The following JAKMIP2 variants were observed in gnomAD, a reference collection of about 807,000 sequenced individuals.
JAKMIP2 encodes the protein janus kinase and microtubule interacting protein 2, also known as janus kinase and microtubule-interacting protein 2.
A neutral mutation model predicts 115.0 loss-of-function variants in JAKMIP2; 25 were observed. The observed-to-expected ratio is 0.22, with a 90% CI of 0.16 to 0.30. JAKMIP2 has a LOEUF of 0.30. Among genes scored for constraint, JAKMIP2 ranks in the 10% least tolerant of loss-of-function variants. The probability of loss-of-function intolerance (pLI) is 1.00; values close to 1 mark genes in which losing one functional copy is unlikely to be tolerated. For synonymous variants in JAKMIP2, 334 were observed against 343.6 expected (o/e 0.97, Z 0.31); for missense variants, 642 against 957.6 (o/e 0.67, Z 4.35).
intron 1 of JAKMIP2, among the ~76,000 whole-genome samples, chr5:147,721,821 T>C (rs1053623466): frequency 2.6e-5 from 4 of 152,152 alleles, no homozygotes; most frequent in African/African-American, 7.2e-5. Flanking sequence ...GCGTCGCTCA[T>C]GCTGGGAGCT....
chr5:147,623,224 C>CT (rs199676287), intron 17 of JAKMIP2, among the ~76,000 whole-genome samples: 1,558 of 138,704 alleles, frequency 0.011, 15 homozygotes, highest in Middle Eastern at 0.019. Context: ...TTGTTCTACT[C>CT]TTTTTTTTTT....
chr5:147,661,411 G>A lies in JAKMIP2; in HGVS notation c.164C>T (p.Ala55Val). ...SKLEREKTQE[A>V]KRIRELEQRK... ...CTGCTCCAGCTCACGAATCCTCTTC[G>A]CTTCTTGAGTCTTCTCTCTTTCAAG... The change falls in exon 3 of 22, where the codon GCG becomes GTG. Residue 55 changes from alanine to valine, a missense_variant. Physicochemically the swap from Ala to Val is moderately conservative, Grantham distance 64. This residue lies in a region of JAKMIP2 where 439 missense variants were observed against 570.9 expected (regional missense o/e 0.77). Coordinates refer to ENST00000616793, the MANE Select transcript of JAKMIP2 (RefSeq NM_001270941.2). 2 of 1,612,976 alleles carry A rather than the reference G, an allele frequency of 1.2e-6. No homozygotes were observed. The highest frequency in any genetic ancestry group is 8.5e-7 in the Non-Finnish European group (1 of 1,179,774).
At chr5:147,606,260 G>A (rs1192788158) in intron 20 of JAKMIP2, among the ~76,000 whole-genome samples, 2 of 152,134 alleles carry the variant, frequency 1.3e-5, no homozygotes, top group Admixed American at 1.3e-4. Flanking sequence ...CTTTGCCCAT[G>A]CTTATGTCCT....
chr5:147,728,051 C>T (rs1045529531), intron 1 of JAKMIP2, among the ~76,000 whole-genome samples: 1 of 152,116 alleles, frequency 6.6e-6, no homozygotes, highest in Non-Finnish European at 1.5e-5. Flanking sequence ...AGGCTCTGTT[C>T]TGTTTTGCTT....
In JAKMIP2 at chr5:147,753,845, A is replaced by G. The variant is rs1220253205; in HGVS notation, c.-149+28611T>C. Among the ~76,000 whole-genome samples, 7 of 141,028 alleles carry G rather than the reference A, an allele frequency of 5.0e-5. No individual in the cohort carries two copies. In the Admixed American group the frequency reaches 5.0e-4, roughly 10 times the overall value. The allele number at this position is 141,028 out of a possible 152,430, so 92.5% of individuals were successfully genotyped here. A position where few individuals can be genotyped will look rare whatever the true frequency, so the allele number is the denominator to read the frequency against. ...TTTTTTTTTGCTAAAGATGTTTCTTATAATAGCTAAAGGTTCCACTAGGCA... is the reference window on the plus strand; with the variant it reads ...TTTTTTTTTGCTAAAGATGTTTCTTGTAATAGCTAAAGGTTCCACTAGGCA... On this transcript the variant is annotated intron_variant, in intron 1 of 21. Transcript: ENST00000616793.
chr5:147,612,413 T>C (rs1056448113), intron 19 of JAKMIP2, 42 bp from the exon 20 acceptor site: 4 of 1,212,978 alleles, frequency 3.3e-6, no homozygotes, highest in African/African-American at 3.1e-5. Context: ...CAGTAGGTGG[T>C]AAGTTGTGCG....
chr5:147,687,334 G>T (rs1299908305), intron 1 of JAKMIP2, among the ~76,000 whole-genome samples: 1 of 152,278 alleles, frequency 6.6e-6, no homozygotes, highest in South Asian at 2.1e-4. Flanking sequence ...CACTGGGAGA[G>T]ACCAACATGT....
chr5:147,726,470 T>C (rs1156607437), intron 1 of JAKMIP2, among the ~76,000 whole-genome samples: 1 of 152,220 alleles, frequency 6.6e-6, no homozygotes, highest in Non-Finnish European at 1.5e-5. Context: ...CCTCCCTGTG[T>C]GCATAACTGG....
chr5:147,701,159 T>C (rs1406223185), intron 1 of JAKMIP2, among the ~76,000 whole-genome samples: 1 of 152,054 alleles, frequency 6.6e-6, no homozygotes, highest in East Asian at 1.9e-4. Context: ...AAAAGGAATA[T>C]GATTCTGGAA....
At chr5:147,752,281 G>T (rs1754587009) in intron 1 of JAKMIP2, among the ~76,000 whole-genome samples, 1 of 152,140 alleles carries the variant, frequency 6.6e-6, no homozygotes, top group African/African-American at 2.4e-5. Context: ...GGCCAAAAGG[G>T]GTGCTGGATC....
chr5:147,611,712 C>T (rs985406124), intron 20 of JAKMIP2, among the ~76,000 whole-genome samples: 1 of 152,036 alleles, frequency 6.6e-6, no homozygotes, highest in Admixed American at 6.6e-5. Flanking sequence ...TTCAGCATCC[C>T]AGCCTGAGCT....
chr5:147,746,326 G>A (rs920001471), intron 1 of JAKMIP2, among the ~76,000 whole-genome samples: 2 of 152,116 alleles, frequency 1.3e-5, no homozygotes, highest in Non-Finnish European at 2.9e-5. Context: ...GAAAAAGCTC[G>A]ATGACCTGGG....
chr5:147,634,636 T>C (rs1757523686), intron 12 of JAKMIP2, among the ~76,000 whole-genome samples: 1 of 152,192 alleles, frequency 6.6e-6, no homozygotes, highest in Non-Finnish European at 1.5e-5. Context: ...ACAAAGTTTC[T>C]TTATAGGGTC....
At chr5:147,764,898 G>GA (rs1202299837) in intron 1 of JAKMIP2, among the ~76,000 whole-genome samples, 1 of 85,210 alleles carries the variant, frequency 1.2e-5, no homozygotes, top group African/African-American at 7.3e-5. Flanking sequence ...GGGAAAGAAA[G>GA]AAAGAAAGAA....
intron 20 of JAKMIP2, among the ~76,000 whole-genome samples, chr5:147,602,926 G>T (rs893347317): frequency 6.6e-6 from 1 of 152,176 alleles, no homozygotes; most frequent in Non-Finnish European, 1.5e-5. Context: ...TAAGAGGCAT[G>T]TATTGGTGGC....
intron 1 of JAKMIP2, among the ~76,000 whole-genome samples, chr5:147,719,058 C>T (rs879054243): frequency 2.2e-5 from 3 of 135,126 alleles, no homozygotes; most frequent in East Asian, 2.2e-4. Flanking sequence ...TCTTTGTTCT[C>T]ATTGGTTTCA....
chr5:147,768,718 C>T (rs1755240032), intron 1 of JAKMIP2, among the ~76,000 whole-genome samples: 1 of 152,140 alleles, frequency 6.6e-6, no homozygotes, highest in Non-Finnish European at 1.5e-5. Flanking sequence ...AATTCACACT[C>T]TGCTTTTACT....
At chr5:147,743,991 CTAACT>C (rs1407837050) in intron 1 of JAKMIP2, among the ~76,000 whole-genome samples, 1 of 132,560 alleles carries the variant, frequency 7.5e-6, no homozygotes, top group Non-Finnish European at 1.6e-5. Flanking sequence ...TCCTTCCTTC[CTAACT>C]TCTTTCCTTC....
chr5:147,781,772 C>A (rs1418575414), intron 1 of JAKMIP2, among the ~76,000 whole-genome samples: 1 of 152,146 alleles, frequency 6.6e-6, no homozygotes, highest in East Asian at 1.9e-4. Context: ...ACATATGTAA[C>A]CCATAAAAAT....
Sources: allele counts gnomAD v4.1 joint callset (sites outside exome capture counted in the v4.1 genomes callset), GRCh38; gene constraint gnomAD v4.1.1; regional missense constraint gnomAD v4.1.1; transcripts MANE v1.5; gene names NCBI Gene and HGNC (gene_info 2026-07-23, HGNC 2026-07-21).